Variants in UTP20 observed in about 807,000 individuals in gnomAD.
The protein encoded by UTP20 is UTP20 small subunit processome component.
A neutral mutation model predicts 329.5 loss-of-function variants in UTP20; 164 were observed. The ratio of observed to expected loss-of-function variants is 0.50; its 90% CI spans 0.44 to 0.57. The LOEUF (loss-of-function observed/expected upper bound fraction) is 0.57. Among genes scored for constraint, UTP20 ranks in the 20% least tolerant of loss-of-function variants. The pLI is 0.00. For missense variants in UTP20, 3,055 were observed against 3,284.2 expected (o/e 0.93, Z 1.71); for synonymous variants, 1,151 against 1,159.3 (o/e 0.99, Z 0.14).
intron 39 of UTP20, 58 bp downstream of exon 39, chr12:101,352,252 G>A: frequency 6.5e-7 from 1 of 1,527,112 alleles, no homozygotes; most frequent in Non-Finnish European, 8.9e-7. Flanking sequence ...TGGCTGCATA[G>A]TATTCCATGG....
At chr12:101,333,241 G>T (rs1868816995) in intron 27 of UTP20, 60 bp from the exon 28 acceptor site, 1 of 1,532,546 alleles carries the variant, frequency 6.5e-7, no homozygotes, top group East Asian at 2.3e-5. Context: ...GCCTCTCTGA[G>T]GAATCAGGGA....
intron 36 of UTP20, among the ~76,000 whole-genome samples, chr12:101,345,221 C>T (rs560010029): frequency 1.7e-3 from 252 of 152,190 alleles, no homozygotes; most frequent in African/African-American, 5.5e-3. Context: ...GCTGGGATTA[C>T]AGGTATGAGC....
At chr12:101,331,481 C>T (rs1056087472) in intron 27 of UTP20, among the ~76,000 whole-genome samples, 1 of 152,176 alleles carries the variant, frequency 6.6e-6, no homozygotes, top group Non-Finnish European at 1.5e-5. Context: ...GCTTGCTTAC[C>T]TGTCATTTCC....
At chr12:101,315,419 G>A (rs560046829) in intron 21 of UTP20, among the ~76,000 whole-genome samples, 1 of 152,122 alleles carries the variant, frequency 6.6e-6, no homozygotes, top group African/African-American at 2.4e-5. Context: ...AGGAGGCAGA[G>A]GTTGCAATGA....
intron 25 of UTP20, among the ~76,000 whole-genome samples, chr12:101,326,657 C>G (rs1043770346): frequency 6.6e-6 from 1 of 151,950 alleles, no homozygotes; most frequent in Non-Finnish European, 1.5e-5. Context: ...ATTAGACTTA[C>G]CTTTGATTTG....
At chr12:101,341,354 A>AGT (rs1869129422) in intron 32 of UTP20, among the ~76,000 whole-genome samples, 2 of 152,098 alleles carry the variant, frequency 1.3e-5, no homozygotes, top group Non-Finnish European at 2.9e-5. Context: ...GACACAGCTA[A>AGT]GTGTTCCTGA....
At chr12:101,377,728 G>C (rs1294779557) in intron 56 of UTP20, among the ~76,000 whole-genome samples, 1 of 152,090 alleles carries the variant, frequency 6.6e-6, no homozygotes, top group East Asian at 1.9e-4. Context: ...ACTGGAGAGG[G>C]GTCACACTCA....
rs1245945771 is a variant in UTP20, at chr12:101,338,254, C to G, written c.3845C>G (p.Pro1282Arg). The G allele has an allele frequency of 1.9e-6, 3 of 1,614,002 alleles. No homozygotes were observed. The highest frequency in any genetic ancestry group is 2.5e-6 in the Non-Finnish European group (3 of 1,180,004). ...LNLLVTGCVY[P>R]GIAENIGESI... ...TTGCTGGTAACTGGATGTGTATACC[C>G]TGGCATAGCAGAAAACATCGGTGGT... Residue 1282 changes from proline to arginine, a missense_variant, in exon 30 of 62, where the codon CCT becomes CGT. Around this residue, in one of 3 missense-constraint regions of UTP20, gnomAD observed 2,445 missense variants for 2,575.5 expected, o/e 0.95. Coordinates refer to ENST00000261637, the MANE Select transcript of UTP20 (RefSeq NM_014503.3).
At chr12:101,358,214 G>A (rs915196757) in intron 43 of UTP20, among the ~76,000 whole-genome samples, 8 of 151,958 alleles carry the variant, frequency 5.3e-5, no homozygotes, top group African/African-American at 1.5e-4. Flanking sequence ...TTGCTCTATC[G>A]ATTACCATAT....
chr12:101,324,948 A>G (rs1423765168), intron 25 of UTP20, among the ~76,000 whole-genome samples: 2 of 152,150 alleles, frequency 1.3e-5, no homozygotes, highest in Non-Finnish European at 2.9e-5. Flanking sequence ...TACATAACTA[A>G]TTATATATAA....
At chr12:101,321,463 G>A (rs1269608079) in intron 24 of UTP20, 41 bp from the exon 25 acceptor site, 2 of 1,606,840 alleles carry the variant, frequency 1.2e-6, no homozygotes, top group South Asian at 1.1e-5. Context: ...CAAAAGCACT[G>A]TTGATAAAGT....
At chr12:101,376,298 A>G (rs571591702) in intron 56 of UTP20, among the ~76,000 whole-genome samples, 70 of 152,228 alleles carry the variant, frequency 4.6e-4, no homozygotes, top group Non-Finnish European at 3.1e-4. Flanking sequence ...TACATATGCC[A>G]GTATTTACTA....
chr12:101,282,803 G>A (rs1871844054), intron 2 of UTP20, among the ~76,000 whole-genome samples: 1 of 152,158 alleles, frequency 6.6e-6, no homozygotes, highest in Non-Finnish European at 1.5e-5. Context: ...GGATTTGACT[G>A]TTATCTAAGT....
In UTP20 at chr12:101,311,982, T is replaced by C. The variant is rs190841672; in HGVS notation, c.2312-54T>C. 2,257 of 1,608,852 alleles carry C rather than the reference T, an allele frequency of 1.4e-3. 5 individuals are homozygous for C. Among genetic ancestry groups the C allele is most frequent in the Non-Finnish European group, 1.7e-3 (2,027 of 1,177,114 alleles). On this transcript the variant is annotated intron_variant, in intron 20 of 61. Transcript: ENST00000261637. ...GAAATGCCCTCTCTTGAGAAAACAC[T>C]TAAGATAAATGTTGATATTTGTCTG...
rs748820101 is a variant in UTP20, at chr12:101,354,956, A to G, written c.5232A>G (p.Pro1744=). 6.2e-7 allele frequency: 1 copy of G among 1,614,228 alleles called. No homozygotes were observed. The highest frequency in any genetic ancestry group is 1.1e-5 in the South Asian group (1 of 91,084). The change falls in exon 41 of 62, where the codon CCA becomes CCG. Residue 1744 remains proline (P), a synonymous_variant. Transcript: ENST00000261637. The part of the protein sequence containing the change: ...SDNGQPGTPD[P]ADSGGTSAKE... ...ACGGACAACCGGGAACCCCTGATCC[A>G]GCTGACTCTGGAGGAACATCAGCTA... is the stretch of plus-strand genomic sequence containing the variant.
At chr12:101,281,269 T>C (rs1449624862) in intron 2 of UTP20, 73 bp downstream of exon 2, 5 of 1,353,994 alleles carry the variant, frequency 3.7e-6, no homozygotes, top group African/African-American at 1.4e-5. Context: ...TAGAAGTGAA[T>C]TGTTTTTCAA....
chr12:101,374,376 T>C (rs575558993), intron 54 of UTP20, among the ~76,000 whole-genome samples: 11 of 152,266 alleles, frequency 7.2e-5, no homozygotes, highest in Non-Finnish European at 1.5e-4. Context: ...GTTTCCAATT[T>C]TGCATATTCG....
intron 21 of UTP20, among the ~76,000 whole-genome samples, chr12:101,316,651 A>C (rs117082762): frequency 0.014 from 2,125 of 152,278 alleles, 28 homozygotes; most frequent in East Asian, 0.08. Flanking sequence ...TTATTTTATC[A>C]GTGTGTTTTT....
rs988484500 is a variant in UTP20, at chr12:101,327,202, A to G, written c.3163A>G (p.Ile1055Val). ...CGGGACCCAACCTGAGGAGATCCAG[A>G]TATTCTTAGACCTGCTGTTTGAACC... Reference protein sequence around the residue: ...LAGTQPEEIQIFLDLLFEPVR... With the variant: ...LAGTQPEEIQVFLDLLFEPVR... Residue 1055 changes from isoleucine (I) to valine (V), a missense_variant, in exon 26 of 62, where the codon ATA becomes GTA. Around this residue, in one of 3 missense-constraint regions of UTP20, gnomAD observed 2,445 missense variants for 2,575.5 expected, o/e 0.95. Coordinates refer to ENST00000261637, the MANE Select transcript of UTP20 (RefSeq NM_014503.3). 6.2e-6 allele frequency: 10 copies of G among 1,611,330 alleles called. No individual in the cohort carries two copies. The Admixed American group carries it at 1.7e-4, about 27-fold the overall frequency.
Sources: allele counts gnomAD v4.1 joint callset (sites outside exome capture counted in the v4.1 genomes callset), GRCh38; gene constraint gnomAD v4.1.1; regional missense constraint gnomAD v4.1.1; transcripts MANE v1.5; gene names NCBI Gene and HGNC (gene_info 2026-07-23, HGNC 2026-07-21).